The following ADH6 variants were observed in gnomAD, a reference collection of about 807,000 sequenced individuals.
ADH6 encodes the protein alcohol dehydrogenase 6 (class V), also known as alcohol dehydrogenase 6.
A neutral mutation model predicts 36.5 loss-of-function variants in ADH6; 34 were observed. That is an observed-to-expected ratio of 0.93 (90% CI 0.71 to 1.24). ADH6 has a LOEUF of 1.24. Among genes scored for constraint, ADH6 ranks in the 50% most tolerant of loss-of-function variants. ADH6 has a pLI of 0.00. For synonymous variants in ADH6, 161 were observed against 155.5 expected (o/e 1.04, Z -0.26); for missense variants, 440 against 447.0 (o/e 0.98, Z 0.14).
At chr4:99,211,193 AT>A (rs1455342433) in intron 3 of ADH6, among the ~76,000 whole-genome samples, 1 of 152,142 alleles carries the variant, frequency 6.6e-6, no homozygotes, top group African/African-American at 2.4e-5. Context: ...TATGGTAAAA[AT>A]TTAAACTGCA....
chr4:99,218,165 A>G (rs1031675236), intron 1 of ADH6, among the ~76,000 whole-genome samples: 1 of 152,224 alleles, frequency 6.6e-6, no homozygotes, highest in African/African-American at 2.4e-5. Flanking sequence ...ATGTTAAAAC[A>G]TGAACATATC....
At chr4:99,216,574 C>T (rs1020642090) in intron 1 of ADH6, among the ~76,000 whole-genome samples, 2 of 152,038 alleles carry the variant, frequency 1.3e-5, no homozygotes, top group Non-Finnish European at 2.9e-5. Flanking sequence ...TGGCCAGGCA[C>T]GGTGGCTCAC....
intron 3 of ADH6, 53 bp from the exon 4 acceptor site, chr4:99,210,555 A>G (rs1430143028): frequency 7.1e-7 from 1 of 1,405,946 alleles, no homozygotes; most frequent in Non-Finnish European, 9.9e-7. Flanking sequence ...AAGTAAAGAC[A>G]TAGCTGTCTT....
chr4:99,210,739 A>G (rs757248071), intron 3 of ADH6, among the ~76,000 whole-genome samples: 17 of 152,114 alleles, frequency 1.1e-4, no homozygotes, highest in Non-Finnish European at 2.4e-4. Flanking sequence ...CTGGCCCCAG[A>G]TTTGCCTCTT....
At chr4:99,216,283 G>A (rs1255669512) in intron 1 of ADH6, 21 bp from the exon 2 acceptor site, 40 of 1,484,046 alleles carry the variant, frequency 2.7e-5, no homozygotes, top group Middle Eastern at 1.8e-4. Flanking sequence ...GAATACAGGG[G>A]CAGAAAGAGA....
chr4:99,208,787 C>T lies in ADH6; in HGVS notation c.709G>A (p.Gly237Ser), dbSNP rs746060539. The change falls in exon 6 of 9, where the codon GGT (glycine) becomes AGT (serine). Residue 237 changes from glycine (G) to serine (S), a missense_variant. Physicochemically the swap from Gly to Ser is moderately conservative, Grantham distance 56. Coordinates refer to ENST00000394899, the MANE Select transcript of ADH6 (RefSeq NM_001102470.2). Reference sequence around the variant, plus strand: ...TGAGGGTTGAGGCACTCAGTAGCACCCAATTCCTGTGCCTTCTTAAATTTC... The same window carrying T: ...TGAGGGTTGAGGCACTCAGTAGCACTCAATTCCTGTGCCTTCTTAAATTTC... ...KEKFKKAQELGATECLNPQDL... is the reference protein window; with the variant it reads ...KEKFKKAQELSATECLNPQDL... 7 of 1,613,782 alleles carry T rather than the reference C, an allele frequency of 4.3e-6. No homozygotes were observed. Among genetic ancestry groups the T allele is most frequent in the Non-Finnish European group, 5.9e-6 (7 of 1,179,808 alleles).
chr4:99,204,877 T>A (rs766999982), intron 8 of ADH6, 48 bp downstream of exon 8: 1 of 1,559,460 alleles, frequency 6.4e-7, no homozygotes, highest in East Asian at 2.3e-5. Context: ...ATACACCCTT[T>A]CTCTTGGTCT....
At chr4:99,208,251 ATTC>A (rs1389003282) in intron 6 of ADH6, among the ~76,000 whole-genome samples, 9 of 152,108 alleles carry the variant, frequency 5.9e-5, no homozygotes, top group African/African-American at 2.2e-4. Flanking sequence ...CTCACTTTCT[ATTC>A]TTTTATATAA....
intron 3 of ADH6, among the ~76,000 whole-genome samples, chr4:99,210,766 A>G (rs1893881): frequency 0.98 from 148,831 of 152,246 alleles, 72,764 homozygotes; most frequent in Middle Eastern, 1. Flanking sequence ...GCTCCTTTTC[A>G]AGTATGAAAT....
intron 1 of ADH6, among the ~76,000 whole-genome samples, chr4:99,218,838 A>G (rs895852556): frequency 3.3e-5 from 5 of 151,458 alleles, no homozygotes; most frequent in African/African-American, 7.4e-5. Context: ...ATATTGCTTT[A>G]TAATTGCTCT....
chr4:99,215,243 A>G (rs1314217215), intron 2 of ADH6, among the ~76,000 whole-genome samples: 1 of 152,268 alleles, frequency 6.6e-6, no homozygotes, highest in Non-Finnish European at 1.5e-5. Flanking sequence ...CTCTCTGAGA[A>G]GAAGGCATGA....
At position 99,208,767 on chromosome 4, in the gene ADH6, G is replaced by T. The variant is rs573088647; in HGVS notation, c.729C>A (p.Asn243Lys). Reference sequence around the variant, plus strand: ...GAATGGGTTTCTTTAAGTCCTGAGGGTTGAGGCACTCAGTAGCACCCAATT... The same window carrying T: ...GAATGGGTTTCTTTAAGTCCTGAGGTTTGAGGCACTCAGTAGCACCCAATT... ...AQELGATECL[N>K]PQDLKKPIQE... The change falls in exon 6 of 9, where the codon AAC becomes AAA. Residue 243 changes from asparagine to lysine, a missense_variant. By Grantham distance (94) the Asn-to-Lys change is moderately conservative. Transcript: ENST00000394899. The T allele has an allele frequency of 6.2e-7, 1 of 1,613,786 alleles. No homozygotes were observed. The highest frequency in any genetic ancestry group is 1.7e-5 in the Admixed American group (1 of 59,998).
rs759507342 is a variant in ADH6, at chr4:99,202,826, A to C, written c.*1393T>G. ...GTCAGGAAATAGAAGAGCAGAGCAG[A>C]GTTGGGCATGGAGGCTCCAGCTCAG... On this transcript the variant is annotated 3_prime_UTR_variant, in exon 9 of 9. Coordinates refer to ENST00000394899, the MANE Select transcript of ADH6 (RefSeq NM_001102470.2). 1 of 398,036 alleles carries C rather than the reference A, an allele frequency of 2.5e-6. No individual in the cohort carries two copies. The highest frequency in any genetic ancestry group is 4.4e-6 in the Non-Finnish European group (1 of 225,598). The allele number at this position is 398,036 out of a possible 1,614,324, so 24.7% of individuals were successfully genotyped here.
chr4:99,208,855 G>C lies in ADH6; in HGVS notation c.641C>G (p.Ala214Gly). The change falls in exon 6 of 9, where the codon GCA (alanine) becomes GGA (glycine). Residue 214 changes from alanine to glycine, a missense_variant. Coordinates refer to ENST00000394899, the MANE Select transcript of ADH6 (RefSeq NM_001102470.2). ...TCCAATGATCCTGGCTGCTCCTGCT[G>C]CTTTACAACCCATGACAACAGACAA... Reference protein sequence around the residue: ...VGLSVVMGCKAAGAARIIGVD... With the variant: ...VGLSVVMGCKGAGAARIIGVD... The C allele has an allele frequency of 6.2e-7, 1 of 1,613,680 alleles. No homozygotes were observed. Among genetic ancestry groups the C allele is most frequent in the Non-Finnish European group, 8.5e-7 (1 of 1,179,780 alleles).
rs140015086 is a variant in ADH6 at position 99,208,796 on chromosome 4, G to T, written c.700C>A (p.Gln234Lys). 1.2e-6 allele frequency: 2 copies of T among 1,613,610 alleles called. No homozygotes were observed. The highest frequency in any genetic ancestry group is 2.7e-5 in the African/African-American group (2 of 74,856). Reference protein sequence around the residue: ...DVNKEKFKKAQELGATECLNP... With the variant: ...DVNKEKFKKAKELGATECLNP... Reference sequence around the variant, plus strand: ...AGGCACTCAGTAGCACCCAATTCCTGTGCCTTCTTAAATTTCTCCTTGTTG... The same window carrying T: ...AGGCACTCAGTAGCACCCAATTCCTTTGCCTTCTTAAATTTCTCCTTGTTG... The change falls in exon 6 of 9, where the codon CAG becomes AAG. Residue 234 changes from glutamine (Q) to lysine (K), a missense_variant. Physicochemically the swap from Gln to Lys is moderately conservative, Grantham distance 53 (BLOSUM62 1). Coordinates refer to ENST00000394899, the MANE Select transcript of ADH6 (RefSeq NM_001102470.2).
Position 99,215,043 on chromosome 4 carries a change from A to G in ADH6, c.120+1118T>C, listed in dbSNP as rs533136272. On this transcript the variant is annotated intron_variant, in intron 2 of 8. Transcript: ENST00000394899. Reference sequence around the variant, plus strand: ...ATTGCCTACCATCACTTACTCTGCTATAGTGCCCATATCTTGGTTCAAATT... The same window carrying G: ...ATTGCCTACCATCACTTACTCTGCTGTAGTGCCCATATCTTGGTTCAAATT... Among the ~76,000 whole-genome samples, 4 of 152,346 alleles carry G rather than the reference A, an allele frequency of 2.6e-5. No homozygotes were observed. The East Asian group carries it at 7.7e-4, about 29-fold the overall frequency.
At chr4:99,209,576 C>A (rs1453930555) in intron 5 of ADH6, among the ~76,000 whole-genome samples, 1 of 151,954 alleles carries the variant, frequency 6.6e-6, no homozygotes, top group Non-Finnish European at 1.5e-5. Context: ...GAGTGGGATC[C>A]CCTGGTCAAT....
chr4:99,203,315 T>C lies in ADH6; in HGVS notation c.*904A>G, dbSNP rs946853381. ...CATATCCCAAGAGGGCACTTAACCT[T>C]AGTCCTAATTCTAGGAGAACTAAGA... On this transcript the variant is annotated 3_prime_UTR_variant, in exon 9 of 9. Coordinates refer to ENST00000394899, the MANE Select transcript of ADH6 (RefSeq NM_001102470.2). 1 of 152,014 alleles carries C rather than the reference T, an allele frequency of 6.6e-6. No individual in the cohort carries two copies. Among genetic ancestry groups the C allele is most frequent in the African/African-American group, 2.4e-5 (1 of 41,380 alleles). 9.4% of individuals were successfully genotyped at this position (152,014 alleles called of 1,614,324 possible). A position where few individuals can be genotyped will look rare whatever the true frequency, so the allele number is the denominator to read the frequency against.
rs34008565 is a variant in ADH6, at chr4:99,216,135, ATTTTTTTTTTT to A, written c.120+15_120+25del. ...GCTCTGGCTTTTGGCTTTTGGTGTG[ATTTTTTTTTTT>A]TTTTTTTTTTTTACCTTTATGCGAA... On this transcript the variant is annotated intron_variant, in intron 2 of 8. Transcript: ENST00000394899. The A allele has an allele frequency of 9.2e-6, 8 of 865,304 alleles. No homozygotes were observed. Among genetic ancestry groups the A allele is most frequent in the East Asian group, 3.5e-5 (1 of 28,372 alleles). 53.6% of individuals were successfully genotyped at this position (865,304 alleles called of 1,614,324 possible).
Sources: allele counts gnomAD v4.1 joint callset (sites outside exome capture counted in the v4.1 genomes callset), GRCh38; gene constraint gnomAD v4.1.1; transcripts MANE v1.5; gene names NCBI Gene and HGNC (gene_info 2026-07-23, HGNC 2026-07-21).